The following RMDN2 variants were observed in gnomAD, a reference collection of about 807,000 sequenced individuals.
RMDN2 encodes the protein regulator of microtubule dynamics 2.
In RMDN2, 61 loss-of-function variants were observed where a neutral mutation model predicts 52.8. That is an observed-to-expected ratio of 1.16 (90% CI 0.94 to 1.43). RMDN2 has a LOEUF of 1.43. RMDN2 is among the 40% of genes most tolerant of loss of function. RMDN2 has a pLI of 0.00. For synonymous variants in RMDN2, 180 were observed against 153.1 expected (o/e 1.18, Z -1.30); for missense variants, 592 against 475.3 (o/e 1.25, Z -2.28).
At chr2:37,944,646 G>C (rs1044579217) in intron 2 of RMDN2, among the ~76,000 whole-genome samples, 2 of 152,188 alleles carry the variant, frequency 1.3e-5, no homozygotes, top group Non-Finnish European at 2.9e-5. Flanking sequence ...AGGAGAAGTT[G>C]CTGGGTAGTG....
At chr2:37,952,387 C>T (rs1483438533) in intron 2 of RMDN2, 3 of 582,062 alleles carry the variant, frequency 5.2e-6, no homozygotes, top group Non-Finnish European at 8.8e-6. Context: ...AGTTAGTTTA[C>T]TGATGTTATT....
chr2:38,012,793 C>T (rs1678193424), intron 10 of RMDN2: 1 of 297,526 alleles, frequency 3.4e-6, no homozygotes, highest in Admixed American at 5.0e-5. Flanking sequence ...TATTCATTTC[C>T]AAAATGTCTA....
chr2:38,066,992 C>A, exon 11 of RMDN2: 1 of 1,613,828 alleles, frequency 6.2e-7, no homozygotes. Flanking sequence ...GAGCTGTAGT[C>A]TGGAAGATAA....
intron 6 of RMDN2, among the ~76,000 whole-genome samples, chr2:37,990,675 TAAAG>T (rs1423027759): frequency 6.6e-6 from 1 of 151,814 alleles, no homozygotes; most frequent in African/African-American, 2.4e-5. Context: ...GATAGACAAA[TAAAG>T]TAAGTAATAC....
intron 8 of RMDN2, among the ~76,000 whole-genome samples, chr2:38,002,480 A>T (rs192625445): frequency 3.3e-4 from 50 of 152,056 alleles, no homozygotes; most frequent in African/African-American, 1.2e-3. Flanking sequence ...TGGGAAAAAA[A>T]GTCTGGAGCC....
intron 4 of RMDN2, among the ~76,000 whole-genome samples, chr2:37,977,557 T>G (rs990960871): frequency 1.3e-5 from 2 of 149,552 alleles, no homozygotes; most frequent in African/African-American, 5.0e-5. Flanking sequence ...GGCTCCTCAG[T>G]TCCCAGATGG....
rs140287039 is a variant in RMDN2 at position 37,951,582 on chromosome 2, C to T, written c.452+21853C>T. On this transcript the variant is annotated intron_variant, in intron 2 of 10. Transcript: ENST00000354545. ...AGACCATTGTGGTAGCTTTATTTCC[C>T]GCAGAAGACGTTTCTCATCCCGTAA... 153 of 1,613,034 alleles carry T rather than the reference C, an allele frequency of 9.5e-5. No homozygotes were observed. In the Middle Eastern group the frequency reaches 2.1e-3, roughly 23 times the overall value.
chr2:38,030,425 T>A (rs1680106965), intron 10 of RMDN2: 1 of 152,190 alleles, frequency 6.6e-6, no homozygotes, highest in Non-Finnish European at 1.5e-5. Context: ...CACCTCAGTA[T>A]GCAACTTAAA....
At chr2:37,980,313 T>G (rs568332279) in intron 4 of RMDN2, among the ~76,000 whole-genome samples, 1 of 152,286 alleles carries the variant, frequency 6.6e-6, no homozygotes, top group South Asian at 2.1e-4. Flanking sequence ...TTTTGGTTTT[T>G]TTTTATTTGA....
intron 5 of RMDN2, 124 bp from the exon 6 acceptor site, chr2:37,989,417 A>G (rs1674464276): frequency 1.5e-6 from 1 of 661,114 alleles, no homozygotes; most frequent in Non-Finnish European, 2.7e-6. Context: ...CCTTATATTT[A>G]TATGAATACT....
At chr2:37,959,643 A>T (rs542661912) in intron 2 of RMDN2, among the ~76,000 whole-genome samples, 1 of 150,736 alleles carries the variant, frequency 6.6e-6, no homozygotes, top group Non-Finnish European at 1.5e-5. Context: ...TCGTGTCTCT[A>T]TCCCCTTCAG....
At chr2:38,033,978 T>C in intron 10 of RMDN2, among the ~76,000 whole-genome samples, 1 of 152,268 alleles carries the variant, frequency 6.6e-6, no homozygotes, top group East Asian at 1.9e-4. Context: ...AAGCTAGGCA[T>C]CCTATTAAAA....
chr2:37,965,981 T>C (rs1319000262), intron 2 of RMDN2, among the ~76,000 whole-genome samples: 1 of 152,242 alleles, frequency 6.6e-6, no homozygotes, highest in Non-Finnish European at 1.5e-5. Context: ...AATCTGCTGA[T>C]GATTTTATTG....
In RMDN2 at chr2:37,975,249, G is replaced by A. The variant is rs781674953; in HGVS notation, c.665G>A (p.Arg222His). The A allele has an allele frequency of 3.0e-5, 49 of 1,610,882 alleles. 1 individual carries two copies. Among genetic ancestry groups the A allele is most frequent in the Middle Eastern group, 1.6e-4 (1 of 6,074 alleles). Residue 222 changes from arginine to histidine, a missense_variant, in exon 4 of 11, where the codon CGT (arginine) becomes CAT (histidine). Transcript: ENST00000354545. Reference protein sequence around the residue: ...DEIEFMWRFARAYGDMYELST... With the variant: ...DEIEFMWRFAHAYGDMYELST... Reference sequence around the variant, plus strand: ...ATAGAGTTTATGTGGCGATTTGCTCGTGCTTATGGAGACATGTATGAACTA... The same window carrying A: ...ATAGAGTTTATGTGGCGATTTGCTCATGCTTATGGAGACATGTATGAACTA...
At chr2:38,036,758 A>G (rs1000439691) in intron 10 of RMDN2, 3 of 152,298 alleles carry the variant, frequency 2.0e-5, no homozygotes, top group African/African-American at 4.8e-5. Flanking sequence ...TAACACATAC[A>G]GAGACAGACC....
chr2:37,959,940 A>G (rs571666742), intron 2 of RMDN2, among the ~76,000 whole-genome samples: 2 of 145,928 alleles, frequency 1.4e-5, no homozygotes, highest in South Asian at 2.1e-4. Context: ...TTCCATTTCC[A>G]TGTAGTTGTG....
At position 37,929,752 on chromosome 2, in the gene RMDN2, C is replaced by T; in HGVS notation, c.452+23C>T. 4.2e-6 allele frequency: 6 copies of T among 1,429,470 alleles called. No homozygotes were observed. The South Asian group carries it at 8.7e-5, about 21-fold the overall frequency. The allele number at this position is 1,429,470 out of a possible 1,614,324, so 88.5% of individuals were successfully genotyped here. On this transcript the variant is annotated intron_variant, in intron 2 of 10. Transcript: ENST00000354545. Reference sequence around the variant, plus strand: ...AGGGTAAGTTTCTTTAAGATATTTCCTATGTTGAATTGGTTATTATCATTA... The same window carrying T: ...AGGGTAAGTTTCTTTAAGATATTTCTTATGTTGAATTGGTTATTATCATTA...
chr2:37,994,965 G>C (rs1675313176), intron 7 of RMDN2, among the ~76,000 whole-genome samples: 1 of 152,162 alleles, frequency 6.6e-6, no homozygotes, highest in Admixed American at 6.5e-5. Flanking sequence ...AGTCAGATCA[G>C]TATTTGTGTA....
At chr2:37,996,017 G>A (rs1325411747) in intron 7 of RMDN2, among the ~76,000 whole-genome samples, 2 of 152,126 alleles carry the variant, frequency 1.3e-5, no homozygotes, top group African/African-American at 4.8e-5. Flanking sequence ...TTTTAAATTT[G>A]ACTGTTTGCC....
Sources: gnomAD v4.1 joint callset for allele counts (sites outside exome capture counted in the v4.1 genomes callset) on GRCh38, gnomAD v4.1.1 for gene constraint, MANE v1.5 for transcripts, NCBI Gene and HGNC (gene_info 2026-07-23, HGNC 2026-07-21) for gene names.